The following RFX8 variants were observed in gnomAD, a reference collection of about 807,000 sequenced individuals.
RFX8 encodes DNA-binding protein RFX8.
A neutral mutation model predicts 54.6 loss-of-function variants in RFX8; 46 were observed. The ratio of observed to expected loss-of-function variants is 0.84; its 90% CI spans 0.67 to 1.08. The LOEUF (loss-of-function observed/expected upper bound fraction) is 1.08, where lower values mean the gene tolerates loss of function less well. Among genes scored for constraint, RFX8 ranks in the 50% least tolerant of loss-of-function variants. The probability of loss-of-function intolerance (pLI) is 0.00; values close to 1 mark genes in which losing one functional copy is unlikely to be tolerated. For missense variants in RFX8, 536 were observed against 562.3 expected, an observed-to-expected ratio of 0.95 and a Z score of 0.47; for synonymous variants, 192 against 209.5, an observed-to-expected ratio of 0.92 and a Z score of 0.72.
intron 2 of RFX8, among the ~76,000 whole-genome samples, chr2:101,446,054 C>T (rs1006858859): frequency 1.6e-5 from 1 of 62,032 alleles, no homozygotes; most frequent in Non-Finnish European, 5.1e-5. Flanking sequence ...CTAAAATACA[C>T]TTTTGTATGT....
At chr2:101,399,132 G>A (rs1358398672) in intron 11 of RFX8, among the ~76,000 whole-genome samples, 1 of 152,204 alleles carries the variant, frequency 6.6e-6, no homozygotes, top group African/African-American at 2.4e-5. Context: ...GATGGGTATG[G>A]CAATCCGGAA....
chr2:101,410,791 T>C, intron 8 of RFX8, 78 bp from the exon 9 acceptor site: 1 of 742,142 alleles, frequency 1.3e-6, no homozygotes, highest in Non-Finnish European at 2.3e-6. Flanking sequence ...GTGTACTGGG[T>C]AACCTGGAAA....
chr2:101,474,313 G>A, intron 1 of RFX8: 1 of 467,712 alleles, frequency 2.1e-6, no homozygotes, highest in Non-Finnish European at 3.7e-6. Context: ...GGCAGGCAGC[G>A]AGCGGCGGCC....
chr2:101,402,847 G>T, intron 10 of RFX8, 95 bp from the exon 11 acceptor site: 1 of 1,105,774 alleles, frequency 9.0e-7, no homozygotes, highest in Admixed American at 2.4e-5. Flanking sequence ...GCTAACACCT[G>T]TGTACGTGAG....
At chr2:101,442,840 C>G (rs1688170037) in intron 2 of RFX8, among the ~76,000 whole-genome samples, 2 of 151,996 alleles carry the variant, frequency 1.3e-5, no homozygotes, top group Admixed American at 1.3e-4. Flanking sequence ...GGGAGGTGCT[C>G]CTCCTACTGA....
intron 11 of RFX8, among the ~76,000 whole-genome samples, chr2:101,399,991 G>A (rs1685339554): frequency 6.6e-6 from 1 of 152,136 alleles, no homozygotes; most frequent in Admixed American, 6.5e-5. Flanking sequence ...GATTAGTGAG[G>A]TGACCTTGGG....
chr2:101,401,823 C>T (rs2104512848), intron 11 of RFX8, among the ~76,000 whole-genome samples: 1 of 152,310 alleles, frequency 6.6e-6, no homozygotes, highest in East Asian at 1.9e-4. Flanking sequence ...GCTCCAATCT[C>T]TGTTCCACTA....
chr2:101,453,279 A>G (rs1430328977), intron 2 of RFX8, among the ~76,000 whole-genome samples: 7 of 126,752 alleles, frequency 5.5e-5, no homozygotes, highest in Admixed American at 4.7e-4. Context: ...TCTGTCTCAA[A>G]AAAAAATAAA....
In RFX8 at chr2:101,402,305, A is replaced by C. The variant is rs1558833110; in HGVS notation, c.1245+131T>G. 3 of 829,352 alleles carry C rather than the reference A, an allele frequency of 3.6e-6. No individual in the cohort carries two copies. In the African/African-American group the frequency reaches 5.2e-5, roughly 14 times the overall value. 51.4% of individuals were successfully genotyped at this position (829,352 alleles called of 1,614,324 possible). ...AATTAAACTCACCCCTGGCAAAATCACCTAGGGTAAAGATGACTGTAGAAT... is the reference window on the plus strand; with the variant it reads ...AATTAAACTCACCCCTGGCAAAATCCCCTAGGGTAAAGATGACTGTAGAAT... On this transcript the variant is annotated intron_variant, in intron 11 of 11. Transcript: ENST00000428343.
chr2:101,451,008 C>T (rs949339153), intron 2 of RFX8, among the ~76,000 whole-genome samples: 2 of 151,990 alleles, frequency 1.3e-5, no homozygotes, highest in Non-Finnish European at 2.9e-5. Flanking sequence ...GCCCCCCGAC[C>T]CCCCAGCACC....
intron 2 of RFX8, among the ~76,000 whole-genome samples, chr2:101,448,133 A>G (rs4851447): frequency 0.76 from 115,125 of 152,116 alleles, 44,509 homozygotes; most frequent in Middle Eastern, 0.88. Context: ...AGATTGTTGC[A>G]TTGGGGATCA....
chr2:101,462,172 TC>T (rs1689319385), intron 2 of RFX8, among the ~76,000 whole-genome samples: 1 of 152,156 alleles, frequency 6.6e-6, no homozygotes, highest in South Asian at 2.1e-4. Flanking sequence ...ACACCTGTAA[TC>T]CCAGCACTTT....
At chr2:101,472,697 A>G (rs989283192) in intron 1 of RFX8, among the ~76,000 whole-genome samples, 1 of 152,186 alleles carries the variant, frequency 6.6e-6, no homozygotes, top group Non-Finnish European at 1.5e-5. Context: ...GCCAAAACAA[A>G]CAAAAAAAAT....
intron 1 of RFX8, 77 bp downstream of exon 1, chr2:101,474,559 C>T (rs768715086): frequency 1.9e-4 from 57 of 295,002 alleles, no homozygotes; most frequent in Middle Eastern, 9.5e-4. Flanking sequence ...GGAGCTGCCT[C>T]CCGCTCTCAC....
chr2:101,418,640 T>C (rs1686675954), intron 5 of RFX8, among the ~76,000 whole-genome samples: 1 of 152,238 alleles, frequency 6.6e-6, no homozygotes, highest in Admixed American at 6.5e-5. Context: ...CAGAGGTTAC[T>C]ATGTGCATTG....
intron 1 of RFX8, chr2:101,474,220 T>TGCG (rs1223824315): frequency 1.8e-6 from 1 of 551,986 alleles, no homozygotes; most frequent in Non-Finnish European, 3.3e-6. Flanking sequence ...GACGCCGCTG[T>TGCG]GCGGGCCCCG....
Position 101,409,424 on chromosome 2 carries a change from C to T in RFX8, c.813+1195G>A, listed in dbSNP as rs13388476. 4.6e-5 allele frequency among the ~76,000 whole-genome samples: 7 copies of T among 151,682 alleles called. No homozygotes were observed. The South Asian group carries it at 1.5e-3, about 32-fold the overall frequency. ...ATTTTTTTTAGTAGAGACGGGGTTT[C>T]ACCGTGTTAGCCAGAATGGTCTCCA... On this transcript the variant is annotated intron_variant, in intron 9 of 11. Coordinates refer to ENST00000428343, the MANE Select transcript of RFX8 (RefSeq NM_001145664.2).
chr2:101,411,814 A>T (rs973387364), intron 8 of RFX8, among the ~76,000 whole-genome samples: 1 of 152,036 alleles, frequency 6.6e-6, no homozygotes, highest in Non-Finnish European at 1.5e-5. Context: ...ACAACTAGGG[A>T]TATATTTTAG....
chr2:101,444,954 G>A (rs1435665532), intron 2 of RFX8, among the ~76,000 whole-genome samples: 2 of 152,172 alleles, frequency 1.3e-5, no homozygotes, highest in Non-Finnish European at 2.9e-5. Flanking sequence ...GAGATTGAGT[G>A]ACCTGCCTAA....
Sources: allele counts gnomAD v4.1 joint callset (sites outside exome capture counted in the v4.1 genomes callset), GRCh38; gene constraint gnomAD v4.1.1; transcripts MANE v1.5; gene names NCBI Gene and HGNC (gene_info 2026-07-23, HGNC 2026-07-21).